TGM3: variants seen among roughly 807,000 people sequenced by gnomAD.
TGM3 encodes protein-glutamine gamma-glutamyltransferase E.
A neutral mutation model predicts 73.8 loss-of-function variants in TGM3; 52 were observed. That is an observed-to-expected ratio of 0.70 (90% CI 0.56 to 0.89). The LOEUF (loss-of-function observed/expected upper bound fraction) is 0.89, where lower values mean the gene tolerates loss of function less well. TGM3 is among the 40% of genes least tolerant of loss of function. TGM3 has a pLI of 0.00. For missense variants in TGM3, 928 were observed against 909.9 expected (o/e 1.02, Z -0.26); for synonymous variants, 372 against 354.9 (o/e 1.05, Z -0.54).
chr20:2,309,606 A>G (rs1349734423), intron 1 of TGM3, 51 bp from the exon 2 acceptor site: 1 of 1,598,524 alleles, frequency 6.3e-7, no homozygotes, highest in South Asian at 1.1e-5. Context: ...CTTCCCCCAC[A>G]CCACCATCCC....
At chr20:2,317,037 G>A (rs1457647724) in intron 5 of TGM3, 31 bp from the exon 6 acceptor site, 4 of 1,610,592 alleles carry the variant, frequency 2.5e-6, no homozygotes, top group Non-Finnish European at 3.4e-6. Flanking sequence ...CATTAGTGCT[G>A]ACTCATTTTG....
In TGM3 at chr20:2,332,769, G is replaced by A. The variant is rs2122248611; in HGVS notation, c.1642+459G>A. Reference sequence around the variant, plus strand: ...CCTAGGTTTCCTGATACTGAGTCCAGAGCCACCCCCTGTTTTCTATGTTGT... The same window carrying A: ...CCTAGGTTTCCTGATACTGAGTCCAAAGCCACCCCCTGTTTTCTATGTTGT... On this transcript the variant is annotated intron_variant, in intron 10 of 12. Transcript: ENST00000381458. The surrounding 1 kb of genome is among the most constrained non-coding windows in gnomAD (Gnocchi z 4.4). Among the ~76,000 whole-genome samples the A allele has an allele frequency of 6.6e-6, 1 of 152,276 alleles. No individual in the cohort carries two copies. Among genetic ancestry groups the A allele is most frequent in the South Asian group, 2.1e-4 (1 of 4,830 alleles).
At chr20:2,317,289 G>A (rs1352829355) in intron 6 of TGM3, 44 bp downstream of exon 6, 1 of 1,613,784 alleles carries the variant, frequency 6.2e-7, no homozygotes. Context: ...GTGGGTGGCA[G>A]TGGGCTATGC....
At position 2,309,790 on chromosome 20, in the gene TGM3, C is replaced by A. The variant is rs748065756; in HGVS notation, c.141C>A (p.Gly47=). The change falls in exon 2 of 13, where the codon GGC becomes GGA. Residue 47 remains glycine, a synonymous_variant. Coordinates refer to ENST00000381458, the MANE Select transcript of TGM3 (RefSeq NM_003245.4). ...NFQVLMIMNK[G]LGSNERLEFI... ...AGGTCTTAATGATCATGAACAAAGG[C>A]CTTGGCTCTAACGAAAGACTGGAGT... 6.2e-7 allele frequency: 1 copy of A among 1,614,198 alleles called. No individual in the cohort carries two copies. Among genetic ancestry groups the A allele is most frequent in the Non-Finnish European group, 8.5e-7 (1 of 1,180,028 alleles).
chr20:2,305,043 A>C (rs2122212491), intron 1 of TGM3, among the ~76,000 whole-genome samples: 1 of 152,358 alleles, frequency 6.6e-6, no homozygotes, highest in African/African-American at 2.4e-5. Context: ...GGAGGGGCAC[A>C]GAGCCCCCAT....
rs1283288075 is a variant in TGM3, at chr20:2,335,242, T to A, written c.1769T>A (p.Ile590Asn). The change falls in exon 11 of 13, where the codon ATC becomes AAC. Residue 590 changes from isoleucine to asparagine, a missense_variant. Physicochemically the swap from Ile to Asn is moderately radical, Grantham distance 149 (BLOSUM62 -3). Coordinates refer to ENST00000381458, the MANE Select transcript of TGM3 (RefSeq NM_003245.4). ...TCTGAGGTGGTGGTGGAGCGGGACA[T>A]CATCCTGGACAACCCCACCTTGACC... ...DESEVVVERD[I>N]ILDNPTLTLE... The A allele has an allele frequency of 6.2e-7, 1 of 1,614,116 alleles. No individual in the cohort carries two copies. Among genetic ancestry groups the A allele is most frequent in the Admixed American group, 1.7e-5 (1 of 60,016 alleles).
intron 1 of TGM3, among the ~76,000 whole-genome samples, chr20:2,303,162 G>A (rs1464737846): frequency 7.9e-5 from 12 of 152,180 alleles, no homozygotes; most frequent in South Asian, 4.1e-4. Context: ...TTAGCCGGGC[G>A]TGGTGGTGCA....
In TGM3 at chr20:2,332,171, G is replaced by A. The variant is rs1194917429; in HGVS notation, c.1503G>A (p.Leu501=). The A allele has an allele frequency of 6.2e-7, 1 of 1,613,998 alleles. No individual in the cohort carries two copies. Among genetic ancestry groups the A allele is most frequent in the Admixed American group, 1.7e-5 (1 of 59,976 alleles). ...GMLAVGKEVN[L]VLLLKNLSRD... ...TGGCAGTAGGCAAAGAAGTCAACCT[G>A]GTCCTACTGCTCAAAAACCTGAGCA... is the stretch of plus-strand genomic sequence containing the variant. The change falls in exon 10 of 13, where the codon CTG becomes CTA. Residue 501 remains leucine (L), a synonymous_variant. Coordinates refer to ENST00000381458, the MANE Select transcript of TGM3 (RefSeq NM_003245.4). This position sits in a 1 kb window ranked among gnomAD's most constrained non-coding sequence, Gnocchi z 4.4.
intron 8 of TGM3, among the ~76,000 whole-genome samples, chr20:2,326,887 T>C (rs2084290990): frequency 6.6e-6 from 1 of 152,112 alleles, no homozygotes; most frequent in Admixed American, 6.5e-5. Context: ...TATGTGCATG[T>C]AGTTGAAAAA....
rs570547209 is a variant in TGM3, at chr20:2,340,748, C to T, written c.*167C>T. Reference sequence around the variant, plus strand: ...CAGCACATCCCCCTCTCCTCTCCCCCAGGTTGGGGCTGGGTCCACCCTGTC... The same window carrying T: ...CAGCACATCCCCCTCTCCTCTCCCCTAGGTTGGGGCTGGGTCCACCCTGTC... On this transcript the variant is annotated 3_prime_UTR_variant, in exon 13 of 13. Transcript: ENST00000381458. 1.1e-6 allele frequency: 1 copy of T among 910,552 alleles called. No homozygotes were observed. Among genetic ancestry groups the T allele is most frequent in the Non-Finnish European group, 1.7e-6 (1 of 578,402 alleles). The allele number at this position is 910,552 out of a possible 1,614,324, so 56.4% of individuals were successfully genotyped here.
rs1469078668 is a variant in TGM3, at chr20:2,328,181, C to T, written c.1149C>T (p.Asn383=). The T allele has an allele frequency of 6.2e-7, 1 of 1,614,100 alleles. No individual in the cohort carries two copies. Among genetic ancestry groups the T allele is most frequent in the Admixed American group, 1.7e-5 (1 of 60,006 alleles). ...IGVREGDVQL[N]FDMPFIFAEV... The stretch of plus-strand genomic sequence containing the variant: ...TTCGAGAGGGTGATGTGCAGCTGAA[C>T]TTCGACATGCCCTTTATCTTCGCGG... Residue 383 remains asparagine, a synonymous_variant, in exon 9 of 13, where the codon AAC becomes AAT. Coordinates refer to ENST00000381458, the MANE Select transcript of TGM3 (RefSeq NM_003245.4). The surrounding 1 kb of genome is among the most constrained non-coding windows in gnomAD (Gnocchi z 5.2).
chr20:2,310,443 C>A, intron 3 of TGM3, 26 bp downstream of exon 3: 6 of 1,610,664 alleles, frequency 3.7e-6, no homozygotes, highest in South Asian at 1.1e-5. Context: ...CCCACACTCT[C>A]AGCCCTGGCC....
intron 9 of TGM3, 119 bp from the exon 10 acceptor site, chr20:2,331,883 C>A: frequency 8.2e-7 from 1 of 1,215,840 alleles, no homozygotes; most frequent in Non-Finnish European, 1.2e-6. Flanking sequence ...AGTCGAATGC[C>A]TGCTAGGGCA....
chr20:2,316,695 G>A (rs2084234982), intron 5 of TGM3, among the ~76,000 whole-genome samples: 2 of 152,216 alleles, frequency 1.3e-5, no homozygotes, highest in Admixed American at 1.3e-4. Flanking sequence ...GACTGTGACA[G>A]CAGTGATAGC....
chr20:2,335,105 T>C lies in TGM3; in HGVS notation c.1643-11T>C. 1 of 1,614,082 alleles carries C rather than the reference T, an allele frequency of 6.2e-7. No homozygotes were observed. Among genetic ancestry groups the C allele is most frequent in the Non-Finnish European group, 8.5e-7 (1 of 1,179,952 alleles). ...TCCCCCTCACTCGGATCCCCTGGCT[T>C]CTCCTTCCAGAGGCAGAACATCCCA... On this transcript the variant is annotated splice_polypyrimidine_tract_variant and intron_variant, in intron 10 of 12. Coordinates refer to ENST00000381458, the MANE Select transcript of TGM3 (RefSeq NM_003245.4).
Position 2,296,081 on chromosome 20 carries a change from G to A in TGM3, c.7+11G>A. The A allele has an allele frequency of 6.4e-7, 1 of 1,550,576 alleles. No individual in the cohort carries two copies. Among genetic ancestry groups the A allele is most frequent in the Non-Finnish European group, 8.7e-7 (1 of 1,146,880 alleles). On this transcript the variant is annotated intron_variant, in intron 1 of 12. Coordinates refer to ENST00000381458, the MANE Select transcript of TGM3 (RefSeq NM_003245.4). Reference sequence around the variant, plus strand: ...GGCGAAACATGGCTGGTGAGTGCATGGCATCTTCTCCATCAGGTCCTTGCC... The same window carrying A: ...GGCGAAACATGGCTGGTGAGTGCATAGCATCTTCTCCATCAGGTCCTTGCC...
In TGM3 at chr20:2,340,716, C is replaced by T. The variant is rs1157636988; in HGVS notation, c.*135C>T. The T allele has an allele frequency of 1.7e-5, 20 of 1,183,726 alleles. No homozygotes were observed. Among genetic ancestry groups the T allele is most frequent in the Non-Finnish European group, 2.2e-5 (18 of 823,380 alleles). The allele number at this position is 1,183,726 out of a possible 1,614,324, so 73.3% of individuals were successfully genotyped here. ...CCCAAGGCTGCCAGACATGGACCTC[C>T]AGGCTCCAGCACATCCCCCTCTCCT... On this transcript the variant is annotated 3_prime_UTR_variant, in exon 13 of 13. Transcript: ENST00000381458.
chr20:2,313,091 G>A, intron 5 of TGM3, 65 bp downstream of exon 5: 1 of 1,598,756 alleles, frequency 6.3e-7, no homozygotes, highest in Non-Finnish European at 8.5e-7. Context: ...TATGAGCTAG[G>A]CACGCACACT....
intron 9 of TGM3, among the ~76,000 whole-genome samples, chr20:2,331,028 G>A (rs1019528189): frequency 3.0e-4 from 35 of 117,146 alleles, no homozygotes; most frequent in African/African-American, 7.7e-4. Context: ...AAAAAAAAAA[G>A]AGAGAGAAAA....
Sources: allele counts gnomAD v4.1 joint callset (sites outside exome capture counted in the v4.1 genomes callset), GRCh38; gene constraint gnomAD v4.1.1; non-coding constraint Gnocchi (gnomAD v3.1); transcripts MANE v1.5; gene names NCBI Gene and HGNC (gene_info 2026-07-23, HGNC 2026-07-21).